Variants in IL33 observed in about 807,000 individuals in gnomAD.
IL33 encodes interleukin 33.
In IL33, 37 loss-of-function variants were observed where a neutral mutation model predicts 27.3. The observed-to-expected ratio is 1.36, with a 90% confidence interval of 1.04 to 1.78. The LOEUF (loss-of-function observed/expected upper bound fraction) is 1.78. IL33 is among the 40% of genes most tolerant of loss of function. IL33 has a pLI of 0.00. For missense variants in IL33, 406 were observed against 311.4 expected, an observed-to-expected ratio of 1.30 and a Z score of -2.29; for synonymous variants, 132 against 102.9, an observed-to-expected ratio of 1.28 and a Z score of -1.71.
intron 2 of IL33, among the ~76,000 whole-genome samples, chr9:6,247,575 T>C (rs1819936980): frequency 6.6e-6 from 1 of 152,170 alleles, no homozygotes; most frequent in Non-Finnish European, 1.5e-5. Context: ...AAATTAGCTA[T>C]GGGAATTTTC....
At chr9:6,248,458 G>A (rs772958576) in intron 2 of IL33, among the ~76,000 whole-genome samples, 7 of 151,882 alleles carry the variant, frequency 4.6e-5, no homozygotes, top group East Asian at 1.9e-4. Flanking sequence ...TGAGTTCTCC[G>A]GATTTCCTCT....
At chr9:6,255,164 G>C (rs1816653177) in intron 7 of IL33, among the ~76,000 whole-genome samples, 1 of 152,110 alleles carries the variant, frequency 6.6e-6, no homozygotes, top group Admixed American at 6.6e-5. Context: ...TGGTCATGAT[G>C]TGTAATTATA....
intron 1 of IL33, among the ~76,000 whole-genome samples, chr9:6,231,397 G>A (rs958051220): frequency 3.3e-5 from 5 of 152,090 alleles, no homozygotes; most frequent in African/African-American, 9.7e-5. Context: ...TGAGCACTGC[G>A]GCTTCTGTCC....
chr9:6,252,863 C>T lies in IL33; in HGVS notation c.344-3C>T, dbSNP rs756990204. The T allele has an allele frequency of 1.3e-6, 2 of 1,596,106 alleles. No homozygotes were observed. Among genetic ancestry groups the T allele is most frequent in the African/African-American group, 1.4e-5 (1 of 73,772 alleles). On this transcript the variant is annotated splice_region_variant and splice_polypyrimidine_tract_variant and intron_variant, in intron 4 of 7. Coordinates refer to ENST00000682010, the MANE Select transcript of IL33 (RefSeq NM_033439.4). ...TGACAAATTTTTGAATTCTTAACAACAGGAATTTCACCTATTACAGAGTAT... is the reference window on the plus strand; with the variant it reads ...TGACAAATTTTTGAATTCTTAACAATAGGAATTTCACCTATTACAGAGTAT...
At chr9:6,226,054 C>T (rs778702644) in intron 1 of IL33, among the ~76,000 whole-genome samples, 1 of 152,156 alleles carries the variant, frequency 6.6e-6, no homozygotes, top group East Asian at 1.9e-4. Flanking sequence ...GTAACCCAGG[C>T]TAGAGTGCAG....
chr9:6,238,485 C>A (rs141592552), intron 1 of IL33, among the ~76,000 whole-genome samples: 46 of 152,302 alleles, frequency 3.0e-4, no homozygotes, highest in Middle Eastern at 3.4e-3. Flanking sequence ...AGGTGGCATG[C>A]ACATAATGTT....
chr9:6,239,951 T>A (rs1385240513), intron 1 of IL33, among the ~76,000 whole-genome samples: 1 of 152,190 alleles, frequency 6.6e-6, no homozygotes, highest in Non-Finnish European at 1.5e-5. Context: ...TGCTGACTCA[T>A]ATTTAACATT....
Position 6,256,284 on chromosome 9 carries a change from T to G in IL33, c.*116T>G. ...AGGGAAATGAAGAGTGCTTAGCATG[T>G]GTGGAATGTTTTCCATATTATGTAT... On this transcript the variant is annotated 3_prime_UTR_variant, in exon 8 of 8. Transcript: ENST00000682010. The G allele has an allele frequency of 1.4e-6, 1 of 702,080 alleles. No individual in the cohort carries two copies. Among genetic ancestry groups the G allele is most frequent in the South Asian group, 1.9e-5 (1 of 52,454 alleles). The allele number at this position is 702,080 out of a possible 1,614,324, so 43.5% of individuals were successfully genotyped here.
intron 2 of IL33, among the ~76,000 whole-genome samples, chr9:6,246,184 G>C (rs1204522301): frequency 6.8e-6 from 1 of 146,978 alleles, no homozygotes; most frequent in Non-Finnish European, 1.5e-5. Context: ...AAAAGATAAA[G>C]ACATTTTTTA....
intron 1 of IL33, among the ~76,000 whole-genome samples, chr9:6,229,887 G>A (rs1340574303): frequency 6.6e-6 from 1 of 152,144 alleles, no homozygotes; most frequent in Non-Finnish European, 1.5e-5. Flanking sequence ...TTGATTGTGG[G>A]TTGTCAGGGA....
At position 6,233,038 on chromosome 9, in the gene IL33, T is replaced by A. The variant is rs547230819; in HGVS notation, c.-11-8646T>A. ...AATATAAAATTTACCATTTTGACCA[T>A]TTTTAAGTGTACGGTTCAGTGGCAT... On this transcript the variant is annotated intron_variant, in intron 1 of 7. Coordinates refer to ENST00000682010, the MANE Select transcript of IL33 (RefSeq NM_033439.4). Among the ~76,000 whole-genome samples the A allele has an allele frequency of 2.0e-5, 3 of 152,248 alleles. No homozygotes were observed. In the East Asian group the frequency reaches 5.8e-4, roughly 29 times the overall value.
Position 6,256,661 on chromosome 9 carries a change from T to C in IL33, c.*493T>C. The C allele has an allele frequency of 4.3e-6, 1 of 234,458 alleles. No individual in the cohort carries two copies. The highest frequency in any genetic ancestry group is 8.1e-6 in the Non-Finnish European group (1 of 123,166). The allele number at this position is 234,458 out of a possible 1,614,324, so 14.5% of individuals were successfully genotyped here. Reference sequence around the variant, plus strand: ...TTCACAGAATTATCATTTTTTCAACTGGAATAAAACACCAGGTTTGTTTGT... The same window carrying C: ...TTCACAGAATTATCATTTTTTCAACCGGAATAAAACACCAGGTTTGTTTGT... On this transcript the variant is annotated 3_prime_UTR_variant, in exon 8 of 8. Coordinates refer to ENST00000682010, the MANE Select transcript of IL33 (RefSeq NM_033439.4).
chr9:6,230,546 C>A (rs1005458771), intron 1 of IL33, among the ~76,000 whole-genome samples: 1 of 152,132 alleles, frequency 6.6e-6, no homozygotes, highest in Non-Finnish European at 1.5e-5. Flanking sequence ...TGTCACACTC[C>A]CCTGTGCTCC....
At chr9:6,252,795 T>C (rs940659177) in intron 4 of IL33, 71 bp from the exon 5 acceptor site, 139 of 1,578,874 alleles carry the variant, frequency 8.8e-5, no homozygotes, top group Non-Finnish European at 1.1e-4. Context: ...AAAATGTTTT[T>C]TGAGGGAGCA....
At chr9:6,253,494 A>T (rs1816530439) in intron 5 of IL33, 58 bp from the exon 6 acceptor site, 2 of 1,170,030 alleles carry the variant, frequency 1.7e-6, no homozygotes, top group African/African-American at 3.1e-5. Context: ...TGTGTGTTGG[A>T]ACTGAAAACT....
intron 1 of IL33, among the ~76,000 whole-genome samples, chr9:6,235,005 GA>G (rs966002713): frequency 5.3e-5 from 8 of 151,240 alleles, no homozygotes; most frequent in East Asian, 1.9e-4. Flanking sequence ...TATTTGGAAG[GA>G]AAAAAAAATC....
At chr9:6,241,813 T>A in intron 2 of IL33, 28 bp downstream of exon 2, 1 of 1,456,406 alleles carries the variant, frequency 6.9e-7, no homozygotes, top group Non-Finnish European at 9.5e-7. Flanking sequence ...CTCTGAATGT[T>A]TTACGCACTA....
chr9:6,241,993 C>A lies in IL33; in HGVS notation c.91+208C>A, dbSNP rs184008599. On this transcript the variant is annotated intron_variant, in intron 2 of 7. Coordinates refer to ENST00000682010, the MANE Select transcript of IL33 (RefSeq NM_033439.4). Reference sequence around the variant, plus strand: ...GCCAACTTTGGCATATTTGATACATCACCAGGCAGGAATAGCTGAGATAAT... The same window carrying A: ...GCCAACTTTGGCATATTTGATACATAACCAGGCAGGAATAGCTGAGATAAT... Among the ~76,000 whole-genome samples the A allele has an allele frequency of 3.9e-3, 601 of 152,300 alleles. 1 individual carries two copies. The highest frequency in any genetic ancestry group is 7.0e-3 in the Non-Finnish European group (479 of 68,022).
In IL33 at chr9:6,250,523, C is replaced by A. The variant is rs200082331; in HGVS notation, c.141C>A (p.Leu47=). ...TTTGCCCCATGTACTTTATGAAGCT[C>A]CGCTCTGGCCTTATGATAAAAAAGG... ...KEVCPMYFMK[L]RSGLMIKKEA... The change falls in exon 3 of 8, where the codon CTC becomes CTA. Residue 47 remains leucine (L), a synonymous_variant. Transcript: ENST00000682010. The A allele has an allele frequency of 1.2e-6, 2 of 1,613,884 alleles. No individual in the cohort carries two copies. The highest frequency in any genetic ancestry group is 2.2e-5 in the East Asian group (1 of 44,874).
Sources: allele counts gnomAD v4.1 joint callset (sites outside exome capture counted in the v4.1 genomes callset), GRCh38; gene constraint gnomAD v4.1.1; transcripts MANE v1.5; gene names NCBI Gene and HGNC (gene_info 2026-07-23, HGNC 2026-07-21).